The following NACC2 variants were observed in gnomAD, a reference collection of about 807,000 sequenced individuals.
The protein encoded by NACC2 is nucleus accumbens-associated protein 2.
Under a neutral mutation model 25.1 loss-of-function variants are expected in NACC2, and 8 were observed. The ratio of observed to expected loss-of-function variants is 0.32; its 90% CI spans 0.19 to 0.57. The LOEUF is 0.57. Ranked by LOEUF, NACC2 falls within the 20% of genes least tolerant of loss-of-function variation. The pLI is 0.89. For missense variants in NACC2, 644 were observed against 650.2 expected (o/e 0.99, Z 0.10); for synonymous variants, 435 against 294.7 (o/e 1.48, Z -4.88).
At chr9:136,051,385 C>G (rs1840832931) in intron 1 of NACC2, among the ~76,000 whole-genome samples, 2 of 152,240 alleles carry the variant, frequency 1.3e-5, no homozygotes, top group African/African-American at 4.8e-5. Context: ...TCGCTCCCCA[C>G]GCGGGCCAAT....
chr9:136,030,046 C>T (rs544464454), intron 2 of NACC2, among the ~76,000 whole-genome samples: 41 of 152,244 alleles, frequency 2.7e-4, no homozygotes, highest in Admixed American at 1.9e-3. Context: ...GCTTAATTTT[C>T]GTAATTTTAG....
rs1360259614 is a variant in NACC2 at position 136,049,706 on chromosome 9, G to GTCGTCCTCC, written c.807_815dup (p.Glu269_Asp271dup). 1.4e-5 allele frequency: 11 copies of GTCGTCCTCC among 779,298 alleles called. No homozygotes were observed. Among genetic ancestry groups the GTCGTCCTCC allele is most frequent in the South Asian group, 2.7e-5 (2 of 74,570 alleles). The allele number at this position is 779,298 out of a possible 1,614,324, so 48.3% of individuals were successfully genotyped here. ...CCTCCACCATGGTGTCGTAGGCCTC[G>GTCGTCCTCC]TCGTCCTCCTCGTCCTCCTCGTTGT... On this transcript the variant is annotated inframe_insertion, in exon 2 of 6. Transcript: ENST00000277554.
chr9:136,089,658 T>C (rs1005220709), intron 1 of NACC2, among the ~76,000 whole-genome samples: 2 of 151,968 alleles, frequency 1.3e-5, no homozygotes, highest in Non-Finnish European at 2.9e-5. Context: ...GGGTGACCCC[T>C]GTCCCCATTC....
chr9:136,011,988 C>A lies in NACC2; in HGVS notation c.1292G>T (p.Ser431Ile). ...GTCCGCGGCGATCACGTTCATCTCGCTCTCCTTGAAGCTGGGGGCGAAGTT... is the reference window on the plus strand; with the variant it reads ...GTCCGCGGCGATCACGTTCATCTCGATCTCCTTGAAGCTGGGGGCGAAGTT... Reference protein sequence around the residue: ...CQNFAPSFKESEMNVIAADMC... With the variant: ...CQNFAPSFKEIEMNVIAADMC... Residue 431 changes from serine to isoleucine, a missense_variant, in exon 6 of 6, where the codon AGC becomes ATC. Ser to Ile is a moderately radical substitution (Grantham distance 142, BLOSUM62 -2). Coordinates refer to ENST00000277554, the MANE Select transcript of NACC2 (RefSeq NM_144653.5). 6.2e-7 allele frequency: 1 copy of A among 1,602,386 alleles called. No homozygotes were observed.
At chr9:136,076,781 G>T (rs530931037) in intron 1 of NACC2, among the ~76,000 whole-genome samples, 2 of 152,304 alleles carry the variant, frequency 1.3e-5, no homozygotes, top group South Asian at 4.1e-4. Context: ...GGCTGAGGTG[G>T]GTGGATCATG....
Position 136,084,320 on chromosome 9 carries a change from T to C in NACC2, c.-60+10869A>G, listed in dbSNP as rs893053912. On this transcript the variant is annotated intron_variant, in intron 1 of 5. Transcript: ENST00000277554. This position sits in a 1 kb window ranked among gnomAD's most constrained non-coding sequence, Gnocchi z 5.1. Reference sequence around the variant, plus strand: ...CCTCCTGTGTCCAGCCCTGTCCCCATGCACACCTGGGGCCTTCACCAAAGG... The same window carrying C: ...CCTCCTGTGTCCAGCCCTGTCCCCACGCACACCTGGGGCCTTCACCAAAGG... Among the ~76,000 whole-genome samples the C allele has an allele frequency of 6.6e-6, 1 of 152,090 alleles. No homozygotes were observed. Among genetic ancestry groups the C allele is most frequent in the Non-Finnish European group, 1.5e-5 (1 of 68,008 alleles).
rs1010022679 is a variant in NACC2, at chr9:136,070,372, G to T, written c.-59-19792C>A. ...AATGCAAAAAAATTAGCCGGGCGTG[G>T]TGGTGGGCGCCTATAATCCCAGCCA... On this transcript the variant is annotated intron_variant, in intron 1 of 5. Coordinates refer to ENST00000277554, the MANE Select transcript of NACC2 (RefSeq NM_144653.5). 2.2e-4 allele frequency among the ~76,000 whole-genome samples: 33 copies of T among 151,790 alleles called. 1 individual carries two copies. Among genetic ancestry groups the T allele is most frequent in the African/African-American group, 8.0e-4 (33 of 41,088 alleles).
At position 136,020,827 on chromosome 9, in the gene NACC2, C is replaced by T. The variant is rs560420596; in HGVS notation, c.887-4398G>A. On this transcript the variant is annotated intron_variant, in intron 2 of 5. Coordinates refer to ENST00000277554, the MANE Select transcript of NACC2 (RefSeq NM_144653.5). This position sits in a 1 kb window ranked among gnomAD's most constrained non-coding sequence, Gnocchi z 4.7. The stretch of plus-strand genomic sequence containing the variant: ...GCTCGATTGGCTTTTGACAAAGGTG[C>T]ACCAGCCTTTGTCAACGGAGGAGGC... 2.0e-5 allele frequency among the ~76,000 whole-genome samples: 3 copies of T among 152,280 alleles called. No individual in the cohort carries two copies. Among genetic ancestry groups the T allele is most frequent in the African/African-American group, 7.2e-5 (3 of 41,550 alleles).
chr9:136,094,797 G>A (rs1320140147), intron 1 of NACC2, among the ~76,000 whole-genome samples: 1 of 151,958 alleles, frequency 6.6e-6, no homozygotes, highest in Non-Finnish European at 1.5e-5. Context: ...CCGGAGGGCT[G>A]GATCGGCCAG....
At chr9:136,070,565 C>T (rs907023128) in intron 1 of NACC2, among the ~76,000 whole-genome samples, 3 of 151,520 alleles carry the variant, frequency 2.0e-5, no homozygotes, top group Non-Finnish European at 2.9e-5. Context: ...TTGTGGGACA[C>T]CACTTAGGTG....
Position 136,016,453 on chromosome 9 carries a change from T to A in NACC2, c.887-24A>T, listed in dbSNP as rs764253749. 2.5e-6 allele frequency: 4 copies of A among 1,609,902 alleles called. No homozygotes were observed. The East Asian group carries it at 8.9e-5, about 36-fold the overall frequency. ...CACTGTGGGCCCAGAACCAACCTGGTCAGATGGGCATCTGGGGGGCCGGGC... is the reference window on the plus strand; with the variant it reads ...CACTGTGGGCCCAGAACCAACCTGGACAGATGGGCATCTGGGGGGCCGGGC... On this transcript the variant is annotated intron_variant, in intron 2 of 5. Coordinates refer to ENST00000277554, the MANE Select transcript of NACC2 (RefSeq NM_144653.5).
intron 3 of NACC2, among the ~76,000 whole-genome samples, chr9:136,015,883 A>G (rs1218973553): frequency 2.6e-5 from 4 of 152,248 alleles, no homozygotes; most frequent in Non-Finnish European, 5.9e-5. Context: ...TTGTTCTGCC[A>G]GAAGGATCCC....
At chr9:136,051,853 C>T (rs1404098912) in intron 1 of NACC2, among the ~76,000 whole-genome samples, 1 of 137,450 alleles carries the variant, frequency 7.3e-6, no homozygotes, top group Non-Finnish European at 1.5e-5. Context: ...AGCCCTGGGG[C>T]GGGGAGGGCG....
Position 136,013,798 on chromosome 9 carries a change from A to G in NACC2, c.1157+66T>C. Reference sequence around the variant, plus strand: ...ACAACCCTGGACGATCAGACAGCTCATAGCTAAAGGAGCCAGAACCCTCCG... The same window carrying G: ...ACAACCCTGGACGATCAGACAGCTCGTAGCTAAAGGAGCCAGAACCCTCCG... On this transcript the variant is annotated intron_variant, in intron 4 of 5. Coordinates refer to ENST00000277554, the MANE Select transcript of NACC2 (RefSeq NM_144653.5). This position sits in a 1 kb window ranked among gnomAD's most constrained non-coding sequence, Gnocchi z 6.6. 10 of 1,388,348 alleles carry G rather than the reference A, an allele frequency of 7.2e-6. No homozygotes were observed. The highest frequency in any genetic ancestry group is 1.0e-5 in the Non-Finnish European group (10 of 989,980). 86.0% of individuals were successfully genotyped at this position (1,388,348 alleles called of 1,614,324 possible). A position where few individuals can be genotyped will look rare whatever the true frequency, so the allele number is the denominator to read the frequency against.
rs1840793858 is a variant in NACC2, at chr9:136,049,991, G to A, written c.531C>T (p.Ala177=). 1.1e-5 allele frequency: 7 copies of A among 659,924 alleles called. No homozygotes were observed. The highest frequency in any genetic ancestry group is 3.4e-5 in the South Asian group (2 of 58,112). 40.9% of individuals were successfully genotyped at this position (659,924 alleles called of 1,614,324 possible). ...CTGGGCCGGCCGGCGGCAGCTCCAT[G>A]GCTTCATGCTTTACTCGGGTCAGCA... ...IPLLTRVKHE[A]MELPPAGPGL... The change falls in exon 2 of 6, where the codon GCC becomes GCT. Residue 177 remains alanine (A), a synonymous_variant. Transcript: ENST00000277554.
intron 2 of NACC2, among the ~76,000 whole-genome samples, chr9:136,047,181 G>A (rs1490319876): frequency 3.9e-5 from 6 of 152,108 alleles, no homozygotes; most frequent in East Asian, 1.9e-4. Context: ...AGCCTCCTGC[G>A]TGGGTGTGAG....
At chr9:136,050,696 A>C in intron 1 of NACC2, 116 bp from the exon 2 acceptor site, 1 of 626,926 alleles carries the variant, frequency 1.6e-6, no homozygotes, top group East Asian at 2.7e-5. Flanking sequence ...AGCCTTCCGC[A>C]CGCGCCCTCC....
At chr9:136,060,493 C>A (rs1157463098) in intron 1 of NACC2, among the ~76,000 whole-genome samples, 1 of 152,240 alleles carries the variant, frequency 6.6e-6, no homozygotes, top group Non-Finnish European at 1.5e-5. Context: ...AGGGCCAGGC[C>A]CAGGCCCCAT....
intron 2 of NACC2, among the ~76,000 whole-genome samples, chr9:136,040,111 T>C (rs1464963762): frequency 6.6e-6 from 1 of 152,098 alleles, no homozygotes; most frequent in Non-Finnish European, 1.5e-5. Context: ...TTTGGGAGGC[T>C]GAGGCGGGTG....
Sources: allele counts gnomAD v4.1 joint callset (sites outside exome capture counted in the v4.1 genomes callset), GRCh38; gene constraint gnomAD v4.1.1; non-coding constraint Gnocchi (gnomAD v3.1); transcripts MANE v1.5; gene names NCBI Gene and HGNC (gene_info 2026-07-23, HGNC 2026-07-21).